Variants in APBA1 observed in about 807,000 individuals in gnomAD.
APBA1 encodes the protein amyloid beta precursor protein binding family A member 1.
Under a neutral mutation model 86.6 loss-of-function variants are expected in APBA1, and 55 were observed. The observed-to-expected ratio is 0.64, with a 90% CI of 0.51 to 0.80. The LOEUF is 0.80. APBA1 is among the 30% of genes least tolerant of loss of function. The pLI, the probability that APBA1 is intolerant of heterozygous loss-of-function variation, is 0.00. For synonymous variants in APBA1, 511 were observed against 493.9 expected (o/e 1.03, Z -0.46); for missense variants, 1,090 against 1,183.0 (o/e 0.92, Z 1.15).
chr9:69,658,943 C>T (rs1488958994), intron 1 of APBA1, among the ~76,000 whole-genome samples: 1 of 152,170 alleles, frequency 6.6e-6, no homozygotes, highest in Non-Finnish European at 1.5e-5. Context: ...CAGAGCTCCC[C>T]CACCCCACAC....
chr9:69,610,646 G>T (rs558441348), intron 1 of APBA1, among the ~76,000 whole-genome samples: 1 of 152,214 alleles, frequency 6.6e-6, no homozygotes, highest in Admixed American at 6.5e-5. Flanking sequence ...CATTACAAAT[G>T]GTGGGTGCTA....
chr9:69,637,105 A>G (rs964861227), intron 1 of APBA1, among the ~76,000 whole-genome samples: 3 of 152,188 alleles, frequency 2.0e-5, no homozygotes, highest in Admixed American at 2.0e-4. Flanking sequence ...GTTAAGTGAA[A>G]TAAGCCAGAC....
At chr9:69,582,010 G>T (rs2133957331) in intron 1 of APBA1, among the ~76,000 whole-genome samples, 1 of 152,270 alleles carries the variant, frequency 6.6e-6, no homozygotes, top group South Asian at 2.1e-4. Context: ...CTTTTCACAG[G>T]CAGCTAAACT....
At chr9:69,567,681 C>T (rs972619274) in intron 1 of APBA1, among the ~76,000 whole-genome samples, 1 of 152,080 alleles carries the variant, frequency 6.6e-6, no homozygotes, top group Non-Finnish European at 1.5e-5. Flanking sequence ...CTTTGAATCC[C>T]AGGTCTGGGC....
chr9:69,521,576 T>C (rs573616761), intron 1 of APBA1, among the ~76,000 whole-genome samples: 2 of 152,212 alleles, frequency 1.3e-5, no homozygotes, highest in African/African-American at 2.4e-5. Flanking sequence ...ACAATAATTA[T>C]GTAAGTAAGT....
At chr9:69,457,195 G>T in intron 6 of APBA1, 56 bp from the exon 7 acceptor site, 1 of 1,350,972 alleles carries the variant, frequency 7.4e-7, no homozygotes, top group Non-Finnish European at 1.1e-6. Context: ...TGACCCAGAT[G>T]CAGAAGGAGT....
chr9:69,530,115 A>G (rs572664118), intron 1 of APBA1, among the ~76,000 whole-genome samples: 1 of 152,182 alleles, frequency 6.6e-6, no homozygotes, highest in Non-Finnish European at 1.5e-5. Flanking sequence ...CAAAGAACTA[A>G]AAATAGAACT....
At chr9:69,592,633 G>A (rs1376550327) in intron 1 of APBA1, among the ~76,000 whole-genome samples, 5 of 152,106 alleles carry the variant, frequency 3.3e-5, no homozygotes, top group Admixed American at 6.6e-5. Context: ...GGTTTCTGAT[G>A]AGATCTGATG....
At chr9:69,651,281 A>C (rs1823493849) in intron 1 of APBA1, among the ~76,000 whole-genome samples, 1 of 152,140 alleles carries the variant, frequency 6.6e-6, no homozygotes, top group Non-Finnish European at 1.5e-5. Context: ...AATGGGAGGG[A>C]GCGTGAGAGG....
intron 9 of APBA1, 68 bp downstream of exon 9, chr9:69,452,054 G>C (rs1835018878): frequency 2.1e-6 from 3 of 1,455,856 alleles, no homozygotes; most frequent in African/African-American, 2.8e-5. Context: ...TCCGCGGCAG[G>C]GTGCCCCACT....
intron 2 of APBA1, among the ~76,000 whole-genome samples, chr9:69,514,890 G>C (rs1449595842): frequency 6.6e-6 from 1 of 152,162 alleles, no homozygotes; most frequent in African/African-American, 2.4e-5. Context: ...CTGGGTGACA[G>C]AGCAAGACTC....
intron 1 of APBA1, among the ~76,000 whole-genome samples, chr9:69,617,770 T>A (rs1056543677): frequency 4.6e-5 from 7 of 152,184 alleles, no homozygotes; most frequent in African/African-American, 1.7e-4. Flanking sequence ...ATATATAATA[T>A]GAAATTTACC....
intron 1 of APBA1, among the ~76,000 whole-genome samples, chr9:69,519,450 G>A (rs926176313): frequency 1.3e-5 from 2 of 152,192 alleles, no homozygotes; most frequent in African/African-American, 4.8e-5. Flanking sequence ...ACAACACATG[G>A]ACAAGAACAT....
At chr9:69,658,345 T>A (rs1369674814) in intron 1 of APBA1, among the ~76,000 whole-genome samples, 2 of 147,576 alleles carry the variant, frequency 1.4e-5, no homozygotes, top group African/African-American at 5.0e-5. Context: ...TTTCTTTCTT[T>A]CTTTCTTTCT....
At chr9:69,626,952 C>T (rs892518262) in intron 1 of APBA1, among the ~76,000 whole-genome samples, 1 of 151,484 alleles carries the variant, frequency 6.6e-6, no homozygotes, top group African/African-American at 2.4e-5. Flanking sequence ...TTAAATAATA[C>T]CTTTACTTTT....
chr9:69,432,435 G>A (rs546891341), intron 12 of APBA1, 101 bp downstream of exon 12: 5 of 1,224,642 alleles, frequency 4.1e-6, no homozygotes, highest in Non-Finnish European at 5.3e-6. Flanking sequence ...GGAAACTCAG[G>A]GAGCTTTCCT....
chr9:69,631,991 T>C (rs1353659999), intron 1 of APBA1, among the ~76,000 whole-genome samples: 1 of 152,020 alleles, frequency 6.6e-6, no homozygotes, highest in Admixed American at 6.5e-5. Flanking sequence ...GGCACATGTA[T>C]ACATATGTAA....
chr9:69,635,983 A>G (rs1445724839), intron 1 of APBA1, among the ~76,000 whole-genome samples: 1 of 152,104 alleles, frequency 6.6e-6, no homozygotes, highest in Admixed American at 6.6e-5. Context: ...AAGCCACAGA[A>G]TGAGGGAAAA....
chr9:69,454,312 T>C (rs879331310), intron 8 of APBA1, among the ~76,000 whole-genome samples: 1 of 152,208 alleles, frequency 6.6e-6, no homozygotes, highest in Non-Finnish European at 1.5e-5. Context: ...GAGAGGTACA[T>C]GCAGACAAAC....
Sources: allele counts gnomAD v4.1 joint callset (sites outside exome capture counted in the v4.1 genomes callset), GRCh38; gene constraint gnomAD v4.1.1; transcripts MANE v1.5; gene names NCBI Gene and HGNC (gene_info 2026-07-23, HGNC 2026-07-21).